Variants in TMEM108 observed in about 807,000 individuals in gnomAD.
TMEM108 encodes transmembrane protein 108.
TMEM108 carries 12 observed loss-of-function variants against 35.1 expected under a neutral mutation model. That is an observed-to-expected ratio of 0.34 (90% CI 0.22 to 0.55). TMEM108 has a LOEUF of 0.55. Ranked by LOEUF, TMEM108 falls within the 20% of genes least tolerant of loss-of-function variation. The pLI is 0.89. For synonymous variants in TMEM108, 287 were observed against 308.6 expected (o/e 0.93, Z 0.73); for missense variants, 680 against 753.3 (o/e 0.90, Z 1.14).
intron 1 of TMEM108, among the ~76,000 whole-genome samples, chr3:133,044,926 G>A (rs1004227171): frequency 6.6e-6 from 1 of 151,892 alleles, no homozygotes; most frequent in Non-Finnish European, 1.5e-5. Context: ...AGTACATAGT[G>A]AGACCCTGTC....
intron 2 of TMEM108, among the ~76,000 whole-genome samples, chr3:133,157,492 T>A (rs1363827902): frequency 6.6e-5 from 10 of 152,212 alleles, no homozygotes. Flanking sequence ...ACCTGAGTCT[T>A]ATAAGTTTGG....
chr3:133,040,379 T>C (rs183149926), intron 1 of TMEM108, among the ~76,000 whole-genome samples: 43 of 152,022 alleles, frequency 2.8e-4, no homozygotes, highest in Non-Finnish European at 5.2e-4. Context: ...AATTTTTGTA[T>C]TTTTTAGTAA....
intron 4 of TMEM108, among the ~76,000 whole-genome samples, chr3:133,382,629 C>CT (rs1447498320): frequency 1.3e-5 from 2 of 152,254 alleles, no homozygotes; most frequent in Non-Finnish European, 2.9e-5. Flanking sequence ...GTTGTATTGG[C>CT]TTCAGGTCAT....
Position 133,300,975 on chromosome 3 carries a change from TACACACACACACACACACACACACACAC to T in TMEM108, c.40+71658_40+71685del, listed in dbSNP as rs66703555. Among the ~76,000 whole-genome samples the T allele has an allele frequency of 8.4e-4, 110 of 131,362 alleles. 2 individuals carry two copies. The highest frequency in any genetic ancestry group is 2.2e-3 in the East Asian group (10 of 4,552). 86.2% of individuals were successfully genotyped at this position (131,362 alleles called of 152,430 possible). On this transcript the variant is annotated intron_variant, in intron 3 of 5. Coordinates refer to ENST00000321871, the MANE Select transcript of TMEM108 (RefSeq NM_023943.4). The stretch of plus-strand genomic sequence containing the variant: ...AAAATACAATTAATACAGACCCCAG[TACACACACACACACACACACACACACAC>T]ACACACACACACACACACACACACA...
At chr3:133,069,534 G>A (rs948665412) in intron 2 of TMEM108, among the ~76,000 whole-genome samples, 6 of 152,030 alleles carry the variant, frequency 3.9e-5, no homozygotes, top group Non-Finnish European at 7.4e-5. Flanking sequence ...GGTCTTACAG[G>A]AACTTAAGGT....
At chr3:133,179,712 T>C (rs200684428) in intron 2 of TMEM108, among the ~76,000 whole-genome samples, 1 of 152,060 alleles carries the variant, frequency 6.6e-6, no homozygotes, top group Non-Finnish European at 1.5e-5. Flanking sequence ...TGTTAAATGA[T>C]GAGTTACTGG....
At chr3:133,307,419 T>G (rs1221405992) in intron 3 of TMEM108, among the ~76,000 whole-genome samples, 1 of 152,228 alleles carries the variant, frequency 6.6e-6, no homozygotes, top group Non-Finnish European at 1.5e-5. Flanking sequence ...CCATTGCTTT[T>G]GGTCTTTTAG....
intron 4 of TMEM108, among the ~76,000 whole-genome samples, chr3:133,389,916 TTGATGATGA>T (rs33928925): frequency 7.9e-5 from 12 of 151,216 alleles, no homozygotes; most frequent in African/African-American, 2.2e-4. Flanking sequence ...ACAGGATTTT[TTGATGATGA>T]TGATGATGAT....
chr3:133,184,286 A>G (rs1246404973), intron 2 of TMEM108, among the ~76,000 whole-genome samples: 1 of 152,220 alleles, frequency 6.6e-6, no homozygotes, highest in African/African-American at 2.4e-5. Context: ...TTATGTATAT[A>G]ACATTTAAAT....
Position 133,346,520 on chromosome 3 carries a change from A to G in TMEM108, c.41-33232A>G, listed in dbSNP as rs1177141188. Among the ~76,000 whole-genome samples the G allele has an allele frequency of 2.6e-5, 4 of 151,970 alleles. No homozygotes were observed. Among genetic ancestry groups the G allele is most frequent in the Non-Finnish European group, 5.9e-5 (4 of 67,896 alleles). The stretch of plus-strand genomic sequence containing the variant: ...CCAATTTTTAATTGAATTTTCTTAT[A>G]TTAAATTTTAAGAGAGATTTGTATA... On this transcript the variant is annotated intron_variant, in intron 3 of 5. Coordinates refer to ENST00000321871, the MANE Select transcript of TMEM108 (RefSeq NM_023943.4). The surrounding 1 kb of genome is among the most constrained non-coding windows in gnomAD (Gnocchi z 4.0).
At position 133,296,094 on chromosome 3, in the gene TMEM108, C is replaced by CT. The variant is rs1576438775; in HGVS notation, c.40+66744dup. On this transcript the variant is annotated intron_variant, in intron 3 of 5. Transcript: ENST00000321871. ...CTGCTGTTTCTAGCATGTCTAATGT[C>CT]TGAGTGCATATCTACCCTTAATGTC... Among the ~76,000 whole-genome samples, 2 of 152,318 alleles carry CT rather than the reference C, an allele frequency of 1.3e-5. 1 individual carries two copies. Among genetic ancestry groups the CT allele is most frequent in the South Asian group, 4.1e-4 (2 of 4,828 alleles).
chr3:133,065,858 G>A (rs1016743436), intron 2 of TMEM108, among the ~76,000 whole-genome samples: 5 of 152,096 alleles, frequency 3.3e-5, no homozygotes, highest in Non-Finnish European at 5.9e-5. Flanking sequence ...TAATCGTTGG[G>A]TTATTAATGC....
intron 2 of TMEM108, among the ~76,000 whole-genome samples, chr3:133,080,750 C>T (rs1943799044): frequency 6.6e-6 from 1 of 152,092 alleles, no homozygotes; most frequent in Admixed American, 6.6e-5. Context: ...AGAGGAAAGC[C>T]AGTACAGTTC....
chr3:133,061,212 C>CTT (rs778632376), intron 2 of TMEM108, among the ~76,000 whole-genome samples: 9,866 of 129,942 alleles, frequency 0.076, 490 homozygotes, highest in East Asian at 0.16. Flanking sequence ...GGCATGTCTC[C>CTT]TTTTTTTTTT....
chr3:133,395,457 G>T (rs1371705240), intron 5 of TMEM108, among the ~76,000 whole-genome samples: 1 of 152,186 alleles, frequency 6.6e-6, no homozygotes, highest in Non-Finnish European at 1.5e-5. Context: ...GAGGCAGGAA[G>T]TAGTCTGGGT....
At chr3:133,332,092 A>G (rs905412645) in intron 3 of TMEM108, among the ~76,000 whole-genome samples, 106 of 136,504 alleles carry the variant, frequency 7.8e-4, no homozygotes, top group South Asian at 2.0e-3. Context: ...GCACACACAC[A>G]CACACACACA....
chr3:133,395,490 C>G (rs746672254), intron 5 of TMEM108, among the ~76,000 whole-genome samples: 3 of 152,146 alleles, frequency 2.0e-5, no homozygotes, highest in Admixed American at 6.5e-5. Context: ...AGTTTTGCCA[C>G]TAGTGCAGTG....
At position 133,167,513 on chromosome 3, in the gene TMEM108, G is replaced by T. The variant is rs190074551; in HGVS notation, c.-46-61753G>T. On this transcript the variant is annotated intron_variant, in intron 2 of 5. Transcript: ENST00000321871. ...CCGTGGGGGGACTTGGGCATGGTGG[G>T]CTACAGGTCCCAAGCCCTGCCCCGC... Among the ~76,000 whole-genome samples the T allele has an allele frequency of 9.1e-3, 1,386 of 152,368 alleles. 12 individuals carry two copies. The highest frequency in any genetic ancestry group is 0.015 in the Admixed American group (227 of 15,314).
intron 4 of TMEM108, chr3:133,388,366 CCA>C (rs1182463423): frequency 2.1e-6 from 2 of 950,644 alleles, no homozygotes. Flanking sequence ...GCACTTTAGG[CCA>C]CAGTTTTTCC....
Sources: gnomAD v4.1 joint callset for allele counts (sites outside exome capture counted in the v4.1 genomes callset) on GRCh38, gnomAD v4.1.1 for gene constraint, Gnocchi (gnomAD v3.1) non-coding constraint, MANE v1.5 for transcripts, NCBI Gene and HGNC (gene_info 2026-07-23, HGNC 2026-07-21) for gene names.